Variants in CLHC1 observed in about 807,000 individuals in gnomAD.
CLHC1 encodes clathrin heavy chain linker domain containing 1.
Under a neutral mutation model 69.5 loss-of-function variants are expected in CLHC1, and 72 were observed. The ratio of observed to expected loss-of-function variants is 1.04; its 90% CI spans 0.86 to 1.26. CLHC1 has a LOEUF of 1.26. Ranked by LOEUF, CLHC1 falls within the 50% of genes most tolerant of loss-of-function variation. The pLI is 0.00. For missense variants in CLHC1, 790 were observed against 679.3 expected (o/e 1.16, Z -1.81); for synonymous variants, 223 against 224.3 (o/e 0.99, Z 0.05).
intron 8 of CLHC1, among the ~76,000 whole-genome samples, chr2:55,207,625 C>G (rs991527629): frequency 3.9e-5 from 6 of 151,996 alleles, no homozygotes; most frequent in African/African-American, 1.5e-4. Flanking sequence ...AGCGTCATAG[C>G]CTATGAATTA....
At chr2:55,185,054 A>C (rs1047571657) in intron 9 of CLHC1, among the ~76,000 whole-genome samples, 1 of 152,078 alleles carries the variant, frequency 6.6e-6, no homozygotes, top group Non-Finnish European at 1.5e-5. Context: ...CACACATTCA[A>C]TTTTAGTTCA....
chr2:55,204,446 A>T (rs558395069), intron 9 of CLHC1, among the ~76,000 whole-genome samples: 1 of 152,238 alleles, frequency 6.6e-6, no homozygotes, highest in Non-Finnish European at 1.5e-5. Flanking sequence ...AGTAGCTTTT[A>T]TCCAAGAGTC....
rs1669205477 is a variant in CLHC1 at position 55,174,434 on chromosome 2, ATGGGATT to A, written c.*1349_*1355del. Among the ~76,000 whole-genome samples the A allele has an allele frequency of 1.3e-5, 2 of 152,246 alleles. No homozygotes were observed. The highest frequency in any genetic ancestry group is 4.8e-5 in the African/African-American group (2 of 41,468). ...CATATAAATACAAATGAGTAGACATATGGGATTTAGTAAGTACAAACTAAGTAGAGAA... is the reference window on the plus strand; with the variant it reads ...CATATAAATACAAATGAGTAGACATATAGTAAGTACAAACTAAGTAGAGAA... On this transcript the variant is annotated 3_prime_UTR_variant, in exon 13 of 13. Coordinates refer to ENST00000401408, the MANE Select transcript of CLHC1 (RefSeq NM_152385.4).
chr2:55,210,873 G>T (rs146662317), intron 5 of CLHC1, among the ~76,000 whole-genome samples: 4,197 of 151,944 alleles, frequency 0.028, 91 homozygotes, highest in South Asian at 0.084. Flanking sequence ...TATATAGAGA[G>T]AGAGAGAGAG....
intron 2 of CLHC1, among the ~76,000 whole-genome samples, chr2:55,222,974 C>T (rs1255524260): frequency 6.7e-6 from 1 of 150,084 alleles, no homozygotes; most frequent in Non-Finnish European, 1.5e-5. Context: ...TATGCTGCTG[C>T]TCTGGGACAG....
intron 3 of CLHC1, chr2:55,218,502 T>TA (rs1347930009): frequency 6.6e-6 from 1 of 152,130 alleles, no homozygotes. Flanking sequence ...TGTGCAACTG[T>TA]AAAAAACCCC....
At chr2:55,223,465 G>A (rs1014759088) in intron 2 of CLHC1, among the ~76,000 whole-genome samples, 18 of 152,126 alleles carry the variant, frequency 1.2e-4, no homozygotes, top group African/African-American at 4.1e-4. Context: ...GCCCCGCGCA[G>A]CCTCAGGGCA....
chr2:55,229,850 G>C (rs1675093518), intron 1 of CLHC1, among the ~76,000 whole-genome samples: 1 of 152,222 alleles, frequency 6.6e-6, no homozygotes, highest in Non-Finnish European at 1.5e-5. Context: ...AAGGCGGGCA[G>C]ATCACCTGAC....
intron 8 of CLHC1, 123 bp from the exon 9 acceptor site, chr2:55,206,499 T>C: frequency 3.0e-6 from 2 of 656,912 alleles, no homozygotes; most frequent in East Asian, 5.5e-5. Flanking sequence ...AAAAAGGAAT[T>C]CTAATAAACT....
chr2:55,199,802 A>G (rs1262259467), intron 9 of CLHC1, among the ~76,000 whole-genome samples: 1 of 152,204 alleles, frequency 6.6e-6, no homozygotes, highest in East Asian at 1.9e-4. Context: ...ATCTTCACTA[A>G]AAGAAAGACA....
At chr2:55,212,117 A>G (rs745692414) in intron 5 of CLHC1, among the ~76,000 whole-genome samples, 4 of 152,148 alleles carry the variant, frequency 2.6e-5, no homozygotes, top group Non-Finnish European at 5.9e-5. Context: ...TCTCCACTAA[A>G]AACACAAAAA....
chr2:55,220,277 C>T (rs1239731295), intron 3 of CLHC1, among the ~76,000 whole-genome samples: 5 of 152,018 alleles, frequency 3.3e-5, no homozygotes, highest in African/African-American at 1.2e-4. Flanking sequence ...TATCTTCTGC[C>T]CAACTAGTTC....
chr2:55,211,859 T>C (rs1270168423), intron 5 of CLHC1, among the ~76,000 whole-genome samples: 1 of 152,238 alleles, frequency 6.6e-6, no homozygotes, highest in Non-Finnish European at 1.5e-5. Context: ...AACAGTATTA[T>C]GCTGAAGATG....
At position 55,181,669 on chromosome 2, in the gene CLHC1, A is replaced by C; in HGVS notation, c.1082T>G (p.Phe361Cys). Residue 361 changes from phenylalanine to cysteine, a missense_variant, in exon 10 of 13, where the codon TTT (phenylalanine) becomes TGT (cysteine). Transcript: ENST00000401408. Reference sequence around the variant, plus strand: ...TAGAGCTGCATCAACAGGACATGGAAAAGCATGACTTGTGATAAAGAGGGC... The same window carrying C: ...TAGAGCTGCATCAACAGGACATGGACAAGCATGACTTGTGATAAAGAGGGC... ...FEALFITSHA[F>C]PCPVDAALTL... 6.2e-7 allele frequency: 1 copy of C among 1,613,856 alleles called. No individual in the cohort carries two copies. Among genetic ancestry groups the C allele is most frequent in the Non-Finnish European group, 8.5e-7 (1 of 1,179,786 alleles).
At chr2:55,179,251 C>G (rs1305163412) in intron 11 of CLHC1, among the ~76,000 whole-genome samples, 1 of 152,074 alleles carries the variant, frequency 6.6e-6, no homozygotes, top group Non-Finnish European at 1.5e-5. Context: ...TGTCCTGTCA[C>G]TACATAACCA....
At position 55,212,791 on chromosome 2, in the gene CLHC1, T is replaced by G. The variant is rs763893248; in HGVS notation, c.381A>C (p.Glu127Asp). The G allele has an allele frequency of 1.2e-5, 20 of 1,603,272 alleles. No individual in the cohort carries two copies. Among genetic ancestry groups the G allele is most frequent in the Non-Finnish European group, 1.7e-5 (20 of 1,170,336 alleles). Residue 127 changes from glutamate to aspartate, a missense_variant, in exon 5 of 13, where the codon GAA becomes GAC. Glu to Asp is a conservative substitution (Grantham distance 45, BLOSUM62 2). Coordinates refer to ENST00000401408, the MANE Select transcript of CLHC1 (RefSeq NM_152385.4). ...IQLEAKMRII[E>D]SNSSKIQSQI... is the part of the protein sequence containing the mutation. Reference sequence around the variant, plus strand: ...GAGATTGAATCTTCGAGGAATTACTTTCGATAATCCTCATTCTGGAAAACA... The same window carrying G: ...GAGATTGAATCTTCGAGGAATTACTGTCGATAATCCTCATTCTGGAAAACA...
chr2:55,177,802 G>C (rs1243657467), intron 11 of CLHC1, 21 bp from the exon 12 acceptor site: 2 of 1,574,068 alleles, frequency 1.3e-6, no homozygotes, highest in South Asian at 1.1e-5. Flanking sequence ...AAATGAAAAA[G>C]TTTATCTCAA....
chr2:55,200,569 T>A (rs1023684030), intron 9 of CLHC1, among the ~76,000 whole-genome samples: 7 of 152,254 alleles, frequency 4.6e-5, no homozygotes, highest in Middle Eastern at 6.8e-3. Flanking sequence ...TAGACCCCAA[T>A]ATAATAATAG....
At position 55,212,701 on chromosome 2, in the gene CLHC1, G is replaced by T; in HGVS notation, c.471C>A (p.Phe157Leu). The T allele has an allele frequency of 6.3e-7, 1 of 1,598,310 alleles. No homozygotes were observed. Among genetic ancestry groups the T allele is most frequent in the Non-Finnish European group, 8.6e-7 (1 of 1,165,868 alleles). The part of the protein sequence containing the change: ...YDTKEVKYCT[F>L]SKDPSKPIPG... ...GAATAGGTTTTGAAGGATCTTTGGA[G>T]AAAGTACAATATTTTACTTCTTTTG... The change falls in exon 5 of 13, where the codon TTC (phenylalanine) becomes TTA (leucine). Residue 157 changes from phenylalanine to leucine, a missense_variant. Coordinates refer to ENST00000401408, the MANE Select transcript of CLHC1 (RefSeq NM_152385.4).
Sources: allele counts gnomAD v4.1 joint callset (sites outside exome capture counted in the v4.1 genomes callset), GRCh38; gene constraint gnomAD v4.1.1; transcripts MANE v1.5; gene names NCBI Gene and HGNC (gene_info 2026-07-23, HGNC 2026-07-21).